Variants in MEIOB observed in about 807,000 individuals in gnomAD.
The protein encoded by MEIOB is meiosis specific with OB-fold, also known as meiosis-specific with OB domain-containing protein.
A neutral mutation model predicts 53.1 loss-of-function variants in MEIOB; 50 were observed. The ratio of observed to expected loss-of-function variants is 0.94; its 90% confidence interval spans 0.75 to 1.19. The LOEUF (loss-of-function observed/expected upper bound fraction) is 1.19, where lower values mean the gene tolerates loss of function less well. Ranked by LOEUF, MEIOB falls within the 50% of genes most tolerant of loss-of-function variation. The pLI is 0.00. For synonymous variants in MEIOB, 192 were observed against 182.5 expected (o/e 1.05, Z -0.42); for missense variants, 551 against 550.8 (o/e 1.00, Z 0.00).
intron 13 of MEIOB, among the ~76,000 whole-genome samples, chr16:1,836,616 A>G (rs559694090): frequency 6.6e-6 from 1 of 151,994 alleles, no homozygotes; most frequent in Admixed American, 6.6e-5. Context: ...TGCTAAGGCC[A>G]CTGGAGACTC....
intron 3 of MEIOB, among the ~76,000 whole-genome samples, chr16:1,864,528 G>T (rs1275905030): frequency 1.5e-5 from 2 of 131,208 alleles, no homozygotes; most frequent in East Asian, 2.2e-4. Context: ...CACTCTTGCT[G>T]CCCAGGCTGG....
intron 9 of MEIOB, among the ~76,000 whole-genome samples, chr16:1,847,155 A>G (rs1899047325): frequency 6.6e-6 from 1 of 151,654 alleles, no homozygotes; most frequent in Non-Finnish European, 1.5e-5. Context: ...ACTCCATTTC[A>G]AAAAAAGAGA....
chr16:1,844,947 G>A lies in MEIOB; in HGVS notation c.795C>T (p.Asn265=), dbSNP rs755310473. The part of the protein sequence containing the change: ...ITTNPDIPEA[N]ILLNFIRENK... ...TTTCTCGTATAAAATTCAGCAGAAT[G>A]TTAGCTTCTGGTATATCTTAAATTG... is the stretch of plus-strand genomic sequence containing the variant. The change falls in exon 10 of 14, where the codon AAC becomes AAT. Residue 265 remains asparagine (N), a synonymous_variant. Transcript: ENST00000325962. 5.3e-5 allele frequency: 81 copies of A among 1,520,198 alleles called. No homozygotes were observed. Among genetic ancestry groups the A allele is most frequent in the Non-Finnish European group, 6.9e-5 (76 of 1,103,532 alleles). 94.2% of individuals were successfully genotyped at this position (1,520,198 alleles called of 1,614,324 possible). A position where few individuals can be genotyped will look rare whatever the true frequency, so the allele number is the denominator to read the frequency against.
intron 9 of MEIOB, among the ~76,000 whole-genome samples, chr16:1,847,179 G>C (rs752130783): frequency 2.0e-5 from 3 of 150,936 alleles, no homozygotes; most frequent in Non-Finnish European, 4.4e-5. Flanking sequence ...AGCTATTTTT[G>C]GGCCGGGCGC....
intron 11 of MEIOB, chr16:1,839,727 C>T (rs1567272565): frequency 3.1e-6 from 1 of 318,808 alleles, no homozygotes; most frequent in South Asian, 4.6e-5. Context: ...CTTGCTGGGG[C>T]CCTCCCTTCT....
At chr16:1,849,005 T>C (rs62038450) in intron 9 of MEIOB, among the ~76,000 whole-genome samples, 26,589 of 151,442 alleles carry the variant, frequency 0.18, 2,439 homozygotes, top group South Asian at 0.27. Context: ...GATGCTCAGG[T>C]GGGGCATGGT....
chr16:1,856,682 G>T (rs1470153589), intron 6 of MEIOB, among the ~76,000 whole-genome samples: 1 of 150,496 alleles, frequency 6.6e-6, no homozygotes, highest in African/African-American at 2.5e-5. Context: ...GGCTGGTCTC[G>T]AACTCCTGAC....
chr16:1,852,294 C>T (rs1157741764), intron 9 of MEIOB, among the ~76,000 whole-genome samples: 3 of 134,286 alleles, frequency 2.2e-5, no homozygotes, highest in Admixed American at 8.4e-5. Flanking sequence ...GACGGAGTCT[C>T]GCTCTGTCGC....
chr16:1,841,047 A>C (rs1300482815), intron 11 of MEIOB: 2 of 104,210 alleles, frequency 1.9e-5, no homozygotes, highest in Admixed American at 1.4e-4. Context: ...ACAGAGTTTC[A>C]CTCTTCTCGC....
chr16:1,852,423 C>T (rs58539288), intron 9 of MEIOB, among the ~76,000 whole-genome samples: 6 of 151,680 alleles, frequency 4.0e-5, no homozygotes, highest in African/African-American at 9.7e-5. Context: ...CTTTTACGCT[C>T]GGCTAATTTT....
intron 11 of MEIOB, chr16:1,839,970 C>T (rs1898857905): frequency 6.6e-6 from 1 of 152,418 alleles, no homozygotes; most frequent in South Asian, 2.1e-4. Context: ...CCGGGTAGCA[C>T]CCAGATGCTA....
At chr16:1,849,536 A>G (rs1899107834) in intron 9 of MEIOB, among the ~76,000 whole-genome samples, 1 of 150,476 alleles carries the variant, frequency 6.6e-6, no homozygotes, top group African/African-American at 2.4e-5. Context: ...ACAGAGTGAG[A>G]CTCCGTCTCA....
In MEIOB at chr16:1,834,317, G is replaced by A. The variant is rs771416758; in HGVS notation, c.1355C>T (p.Ser452Leu). ...CTCAGTAGGATCTGCAAGCTTGCAC[G>A]AGAGTACACTAATTTTCAATCCACT... Reference protein sequence around the residue: ...ARSGLKISVLSCKLADPTEAS... With the variant: ...ARSGLKISVLLCKLADPTEAS... Residue 452 changes from serine (S) to leucine (L), a missense_variant, in exon 14 of 14, where the codon TCG (serine) becomes TTG (leucine). Physicochemically the swap from Ser to Leu is moderately radical, Grantham distance 145. Transcript: ENST00000325962. 1.2e-6 allele frequency: 2 copies of A among 1,613,086 alleles called. No homozygotes were observed. The highest frequency in any genetic ancestry group is 1.7e-6 in the Non-Finnish European group (2 of 1,179,198).
At chr16:1,846,386 T>A (rs1204130423) in intron 9 of MEIOB, among the ~76,000 whole-genome samples, 1 of 152,102 alleles carries the variant, frequency 6.6e-6, no homozygotes, top group African/African-American at 2.4e-5. Flanking sequence ...CCCTATCTGA[T>A]AAGCACTCTC....
intron 3 of MEIOB, 78 bp from the exon 4 acceptor site, chr16:1,862,194 A>C: frequency 8.5e-7 from 1 of 1,173,272 alleles, no homozygotes. Context: ...GTGTTACATG[A>C]AAAGTTTCAT....
chr16:1,839,738 C>T (rs140234821), intron 11 of MEIOB: 260 of 292,226 alleles, frequency 8.9e-4, no homozygotes, highest in African/African-American at 5.3e-3. Context: ...CCTCCCTTCT[C>T]GTATCCCAGC....
intron 10 of MEIOB, among the ~76,000 whole-genome samples, chr16:1,844,618 T>C (rs954104801): frequency 1.2e-4 from 18 of 151,804 alleles, no homozygotes; most frequent in African/African-American, 4.4e-4. Context: ...CATCCCATGA[T>C]ACCTGGCTAA....
chr16:1,864,227 A>G (rs551171821), intron 3 of MEIOB, among the ~76,000 whole-genome samples: 71 of 152,236 alleles, frequency 4.7e-4, no homozygotes, highest in African/African-American at 1.7e-3. Context: ...ATTAGTGTTT[A>G]CCTCTGGGGA....
intron 9 of MEIOB, among the ~76,000 whole-genome samples, chr16:1,845,676 T>TA (rs144406969): frequency 0.17 from 26,533 of 151,658 alleles, 2,463 homozygotes; most frequent in South Asian, 0.26. Context: ...TTACTTATCA[T>TA]AAAAAAAAGG....
Sources: allele counts gnomAD v4.1 joint callset (sites outside exome capture counted in the v4.1 genomes callset), GRCh38; gene constraint gnomAD v4.1.1; transcripts MANE v1.5; gene names NCBI Gene and HGNC (gene_info 2026-07-23, HGNC 2026-07-21).